TBC1D9B: variants seen among roughly 807,000 people sequenced by gnomAD.
The protein encoded by TBC1D9B is TBC1 domain family, member 9B (with GRAM domain).
Under a neutral mutation model 121.1 loss-of-function variants are expected in TBC1D9B, and 87 were observed. The observed-to-expected ratio is 0.72, with a 90% CI of 0.60 to 0.86. TBC1D9B has a LOEUF of 0.86. TBC1D9B is among the 40% of genes least tolerant of loss of function. The probability of loss-of-function intolerance (pLI) is 0.00; values close to 1 mark genes in which losing one functional copy is unlikely to be tolerated. For missense variants in TBC1D9B, 1,540 were observed against 1,628.6 expected (o/e 0.95, Z 0.94); for synonymous variants, 668 against 670.1 (o/e 1.00, Z 0.05).
chr5:179,895,367 C>T lies in TBC1D9B; in HGVS notation c.349-753G>A, dbSNP rs920780114. 2.0e-5 allele frequency among the ~76,000 whole-genome samples: 3 copies of T among 152,180 alleles called. No individual in the cohort carries two copies. The South Asian group carries it at 6.2e-4, about 32-fold the overall frequency. ...GCAAATGTATGTTTTCCTCTTTCCCCCTTTATTTGCCCAAATGGGATCACC... is the reference window on the plus strand; with the variant it reads ...GCAAATGTATGTTTTCCTCTTTCCCTCTTTATTTGCCCAAATGGGATCACC... On this transcript the variant is annotated intron_variant, in intron 3 of 20. Coordinates refer to ENST00000355235, the MANE Select transcript of TBC1D9B (RefSeq NM_015043.4).
At chr5:179,894,181 T>A (rs1240331225) in intron 4 of TBC1D9B, among the ~76,000 whole-genome samples, 2 of 152,160 alleles carry the variant, frequency 1.3e-5, no homozygotes, top group Non-Finnish European at 2.9e-5. Context: ...AGAACCCTAC[T>A]AGCGAGTGGG....
intron 1 of TBC1D9B, among the ~76,000 whole-genome samples, chr5:179,905,651 C>T (rs1370935232): frequency 1.3e-5 from 2 of 152,210 alleles, no homozygotes; most frequent in African/African-American, 4.8e-5. Flanking sequence ...GTCAGTGTCA[C>T]TATTTCCTGA....
At chr5:179,879,883 G>A in intron 7 of TBC1D9B, 94 bp from the exon 8 acceptor site, 1 of 1,395,752 alleles carries the variant, frequency 7.2e-7, no homozygotes, top group East Asian at 2.5e-5. Context: ...TCGGGGCCCG[G>A]TGCAAGAAGG....
intron 2 of TBC1D9B, among the ~76,000 whole-genome samples, chr5:179,901,022 T>C (rs1302517779): frequency 2.0e-5 from 3 of 152,166 alleles, no homozygotes; most frequent in Non-Finnish European, 4.4e-5. Context: ...AGCCCGGCTG[T>C]TCTGCTTGGG....
At chr5:179,878,613 C>A (rs1002646269) in intron 9 of TBC1D9B, 90 bp from the exon 10 acceptor site, 1 of 1,292,500 alleles carries the variant, frequency 7.7e-7, no homozygotes, top group African/African-American at 1.5e-5. Context: ...GGGTGCCCCA[C>A]AGAGGAGAGG....
chr5:179,900,236 C>T (rs538953811), intron 2 of TBC1D9B, among the ~76,000 whole-genome samples: 3 of 152,254 alleles, frequency 2.0e-5, no homozygotes. Context: ...GTAGAGAAGG[C>T]AGCACGATGC....
chr5:179,907,753 G>A lies in TBC1D9B; in HGVS notation c.69C>T (p.Phe23=), dbSNP rs374361712. The change falls in exon 1 of 21, where the codon TTC becomes TTT. Residue 23 remains phenylalanine, a synonymous_variant. Coordinates refer to ENST00000355235, the MANE Select transcript of TBC1D9B (RefSeq NM_015043.4). This position sits in a 1 kb window ranked among gnomAD's most constrained non-coding sequence, Gnocchi z 5.3. ...GGCCCCGGCGTCGCTGCAGCACGAA[G>A]AAGGGGTTGGCCCGCTCCGTCACCC... ...ALWVTERANP[F]FVLQRRRGHG... 83 of 1,209,946 alleles carry A rather than the reference G, an allele frequency of 6.9e-5. No homozygotes were observed. In the African/African-American group the frequency reaches 1.3e-3, roughly 19 times the overall value. 75.0% of individuals were successfully genotyped at this position (1,209,946 alleles called of 1,614,324 possible).
rs1185644464 is a variant in TBC1D9B, at chr5:179,874,113, T to A, written c.2186+789A>T. Among the ~76,000 whole-genome samples, 1 of 151,784 alleles carries A rather than the reference T, an allele frequency of 6.6e-6. No homozygotes were observed. The highest frequency in any genetic ancestry group is 1.5e-5 in the Non-Finnish European group (1 of 67,960). ...GGCATTCCAGTCCGGACAAATACGC[T>A]ATGTAGGAGGGTGGGACTGCACAGA... On this transcript the variant is annotated intron_variant, in intron 12 of 20. Coordinates refer to ENST00000355235, the MANE Select transcript of TBC1D9B (RefSeq NM_015043.4). This position sits in a 1 kb window ranked among gnomAD's most constrained non-coding sequence, Gnocchi z 4.3.
At chr5:179,901,734 C>T (rs1049016580) in intron 2 of TBC1D9B, among the ~76,000 whole-genome samples, 4 of 152,214 alleles carry the variant, frequency 2.6e-5, no homozygotes, top group Non-Finnish European at 5.9e-5. Context: ...CACCACGGCA[C>T]TCCAGCCTGG....
intron 4 of TBC1D9B, 61 bp downstream of exon 4, chr5:179,894,325 G>C: frequency 6.8e-7 from 1 of 1,464,388 alleles, no homozygotes; most frequent in Non-Finnish European, 9.3e-7. Context: ...AGTATCTGGG[G>C]GCCGAAGGCA....
At chr5:179,867,093 A>G (rs1760034716) in intron 18 of TBC1D9B, 1 of 224,542 alleles carries the variant, frequency 4.5e-6, no homozygotes, top group Admixed American at 5.0e-5. Context: ...GAAAGCATCC[A>G]CTATTCTTTC....
intron 7 of TBC1D9B, among the ~76,000 whole-genome samples, chr5:179,882,503 T>A (rs989613969): frequency 6.6e-6 from 1 of 152,214 alleles, no homozygotes; most frequent in Non-Finnish European, 1.5e-5. Flanking sequence ...CTATGGTCTT[T>A]ATACCTGAAC....
intron 7 of TBC1D9B, chr5:179,884,400 T>C (rs1307350971): frequency 6.6e-6 from 1 of 152,176 alleles, no homozygotes; most frequent in Admixed American, 6.5e-5. Context: ...CACAGAGTCA[T>C]GCCACAGTTG....
At chr5:179,870,519 C>T (rs757432313) in intron 15 of TBC1D9B, 24 bp from the exon 16 acceptor site, 85 of 1,587,912 alleles carry the variant, frequency 5.4e-5, no homozygotes, top group Non-Finnish European at 6.8e-5. Flanking sequence ...TCTGGTGAGA[C>T]GGTCCAGCCG....
At position 179,865,992 on chromosome 5, in the gene TBC1D9B, C is replaced by G; in HGVS notation, c.2864-104G>C. The G allele has an allele frequency of 2.1e-6, 3 of 1,437,580 alleles. No individual in the cohort carries two copies. The highest frequency in any genetic ancestry group is 1.9e-6 in the Non-Finnish European group (2 of 1,028,292). The allele number at this position is 1,437,580 out of a possible 1,614,324, so 89.1% of individuals were successfully genotyped here. On this transcript the variant is annotated intron_variant, in intron 18 of 20. Coordinates refer to ENST00000355235, the MANE Select transcript of TBC1D9B (RefSeq NM_015043.4). The surrounding 1 kb of genome is among the most constrained non-coding windows in gnomAD (Gnocchi z 5.1). ...TAGTCTGTGTTTCTGTACAGCCAGC[C>G]CCAGGCCAGGCCCTGGGGAGCAGGT...
At chr5:179,877,522 G>A (rs1033801096) in intron 10 of TBC1D9B, among the ~76,000 whole-genome samples, 4 of 151,692 alleles carry the variant, frequency 2.6e-5, no homozygotes, top group African/African-American at 9.7e-5. Flanking sequence ...ACATTAACTG[G>A]GCATGGTGGC....
At position 179,879,628 on chromosome 5, in the gene TBC1D9B, C is replaced by T; in HGVS notation, c.1416G>A (p.Gly472=). The part of the protein sequence containing the change: ...NSPMEDLGAK[G]AKEKMKEESW... ...TGGAGTGCCGGCGCTCAGGGCTCAC[C>T]CCCTTGGCTCCAAGGTCCTCCATGG... The change falls in exon 8 of 21, where the codon GGG becomes GGA. Residue 472 remains glycine, a splice_region_variant and synonymous_variant. Transcript: ENST00000355235. The T allele has an allele frequency of 1.2e-6, 2 of 1,613,876 alleles. No homozygotes were observed. The highest frequency in any genetic ancestry group is 1.7e-6 in the Non-Finnish European group (2 of 1,179,888).
At chr5:179,871,672 C>G in intron 14 of TBC1D9B, 142 bp from the exon 15 acceptor site, 2 of 811,472 alleles carry the variant, frequency 2.5e-6, no homozygotes, top group South Asian at 3.2e-5. Flanking sequence ...AGGGCGGACC[C>G]TTCGGGAGAG....
At chr5:179,870,633 G>A in intron 15 of TBC1D9B, 138 bp from the exon 16 acceptor site, 1 of 1,297,958 alleles carries the variant, frequency 7.7e-7, no homozygotes, top group African/African-American at 1.5e-5. Context: ...GCCAGACACT[G>A]CAGCACCTCC....
Sources: allele counts gnomAD v4.1 joint callset (sites outside exome capture counted in the v4.1 genomes callset), GRCh38; gene constraint gnomAD v4.1.1; non-coding constraint Gnocchi (gnomAD v3.1); transcripts MANE v1.5; gene names NCBI Gene and HGNC (gene_info 2026-07-23, HGNC 2026-07-21).